Variants in GPHN observed in about 807,000 individuals in gnomAD.
The protein encoded by GPHN is gephyrin.
GPHN carries 17 observed loss-of-function variants against 95.5 expected under a neutral mutation model. The ratio of observed to expected loss-of-function variants is 0.18; its 90% CI spans 0.12 to 0.27. The LOEUF (loss-of-function observed/expected upper bound fraction) is 0.27. Ranked by LOEUF, GPHN falls within the 10% of genes least tolerant of loss-of-function variation. GPHN has a pLI of 1.00. For synonymous variants in GPHN, 320 were observed against 322.5 expected, an observed-to-expected ratio of 0.99 and a Z score of 0.08; for missense variants, 660 against 978.1, an observed-to-expected ratio of 0.67 and a Z score of 4.34.
chr14:67,603,009 A>G, the GPHN span, among the ~76,000 whole-genome samples: 4,700 of 152,300 alleles, frequency 0.031, 200 homozygotes, highest in African/African-American at 0.1. Flanking sequence ...CAGAGGGTCT[A>G]CAATACAAAA....
intron 1 of GPHN, among the ~76,000 whole-genome samples, chr14:66,569,725 T>C (rs1223408584): frequency 7.8e-6 from 1 of 128,980 alleles, no homozygotes; most frequent in African/African-American, 4.1e-5. Flanking sequence ...CAACATGTTT[T>C]GTTACATATA....
At chr14:66,754,148 T>A (rs2058474777) in intron 2 of GPHN, among the ~76,000 whole-genome samples, 1 of 152,122 alleles carries the variant, frequency 6.6e-6, no homozygotes, top group Non-Finnish European at 1.5e-5. Context: ...TTGTCTATTA[T>A]CAATAATGGT....
chr14:67,540,625 CAA>C, the GPHN span, among the ~76,000 whole-genome samples: 118 of 123,138 alleles, frequency 9.6e-4, no homozygotes, highest in African/African-American at 2.8e-3. Flanking sequence ...GACTCTCCCT[CAA>C]AAAAAAAAAA....
chr14:66,669,197 C>T (rs1215330430), intron 1 of GPHN, among the ~76,000 whole-genome samples: 1 of 152,042 alleles, frequency 6.6e-6, no homozygotes, highest in African/African-American at 2.4e-5. Context: ...AACCCCATCT[C>T]TACTAAAACC....
At chr14:67,509,084 A>C in the GPHN span, among the ~76,000 whole-genome samples, 1 of 152,158 alleles carries the variant, frequency 6.6e-6, no homozygotes, top group Non-Finnish European at 1.5e-5. Flanking sequence ...TTGCCCAAAC[A>C]GACCGTTAAG....
chr14:66,990,327 C>G (rs1377673900), intron 9 of GPHN, among the ~76,000 whole-genome samples: 2 of 152,076 alleles, frequency 1.3e-5, no homozygotes, highest in Non-Finnish European at 2.9e-5. Flanking sequence ...ACCATATCAA[C>G]AAGTATATGA....
At chr14:66,667,461 A>G (rs2066033747) in intron 1 of GPHN, among the ~76,000 whole-genome samples, 1 of 152,184 alleles carries the variant, frequency 6.6e-6, no homozygotes, top group Admixed American at 6.5e-5. Flanking sequence ...TAGACACATA[A>G]CCAAAGGAAC....
chr14:67,230,578 A>G, the GPHN span, among the ~76,000 whole-genome samples: 2 of 152,154 alleles, frequency 1.3e-5, no homozygotes, highest in Admixed American at 6.5e-5. Flanking sequence ...TCTCAAGAAA[A>G]AAAAAGATAT....
At position 66,674,654 on chromosome 14, in the gene GPHN, T is replaced by C. The variant is rs1031010644; in HGVS notation, c.65-6453T>C. Among the ~76,000 whole-genome samples, 3 of 152,196 alleles carry C rather than the reference T, an allele frequency of 2.0e-5. 1 individual carries two copies. Among genetic ancestry groups the C allele is most frequent in the Non-Finnish European group, 4.4e-5 (3 of 68,020 alleles). ...GAATGCATTTAATTCTCTCTCTCTT[T>C]TTTATGACTGAATAGCAATCAATTA... On this transcript the variant is annotated intron_variant, in intron 1 of 22. Transcript: ENST00000478722.
At chr14:67,436,908 T>C in the GPHN span, among the ~76,000 whole-genome samples, 1 of 152,082 alleles carries the variant, frequency 6.6e-6, no homozygotes, top group African/African-American at 2.4e-5. Flanking sequence ...ATTAAAAATA[T>C]TAGCCAGGCT....
the GPHN span, among the ~76,000 whole-genome samples, chr14:67,445,318 G>A: frequency 6.6e-6 from 1 of 152,136 alleles, no homozygotes; most frequent in African/African-American, 2.4e-5. Context: ...GGCATCTGAA[G>A]TGGTGGTAGT....
chr14:67,120,631 A>G (rs1287195451), intron 16 of GPHN, among the ~76,000 whole-genome samples: 1 of 152,246 alleles, frequency 6.6e-6, no homozygotes, highest in Non-Finnish European at 1.5e-5. Flanking sequence ...GAAAAAAATG[A>G]TATAATCACA....
At chr14:66,911,612 T>C (rs1347686671) in intron 5 of GPHN, among the ~76,000 whole-genome samples, 1 of 152,014 alleles carries the variant, frequency 6.6e-6, no homozygotes, top group Non-Finnish European at 1.5e-5. Context: ...ATTGTTATTG[T>C]CTGTTTTATA....
At chr14:67,354,301 C>A in the GPHN span, among the ~76,000 whole-genome samples, 1 of 152,012 alleles carries the variant, frequency 6.6e-6, no homozygotes, top group African/African-American at 2.4e-5. Flanking sequence ...TTTATGATGC[C>A]AACATAGTTT....
chr14:67,288,003 C>T, the GPHN span, among the ~76,000 whole-genome samples: 1 of 152,158 alleles, frequency 6.6e-6, no homozygotes, highest in African/African-American at 2.4e-5. Context: ...CTGTCTATGG[C>T]TGCTTGTTGA....
intron 9 of GPHN, among the ~76,000 whole-genome samples, chr14:66,993,039 C>T (rs1175778231): frequency 1.3e-5 from 2 of 151,914 alleles, no homozygotes; most frequent in African/African-American, 2.4e-5. Context: ...ATAACGTTGA[C>T]GTAGGAATGG....
intron 5 of GPHN, among the ~76,000 whole-genome samples, chr14:66,884,401 A>G (rs1453520764): frequency 6.6e-6 from 1 of 152,110 alleles, no homozygotes; most frequent in Non-Finnish European, 1.5e-5. Flanking sequence ...GGCTGACACC[A>G]AAGAACAAGT....
the GPHN span, chr14:67,200,355 T>A: frequency 1.6e-6 from 1 of 637,020 alleles, no homozygotes; most frequent in Non-Finnish European, 2.8e-6. Context: ...TCCTATTACA[T>A]CTTCCCAATA....
intron 8 of GPHN, among the ~76,000 whole-genome samples, chr14:66,924,809 A>G (rs1487172011): frequency 6.6e-6 from 1 of 152,112 alleles, no homozygotes; most frequent in African/African-American, 2.4e-5. Flanking sequence ...ATTCCTCATC[A>G]TAAGTAAACT....
Sources: allele counts gnomAD v4.1 joint callset (sites outside exome capture counted in the v4.1 genomes callset), GRCh38; gene constraint gnomAD v4.1.1; transcripts MANE v1.5; gene names NCBI Gene and HGNC (gene_info 2026-07-23, HGNC 2026-07-21).